Variants in GRB2 observed in about 807,000 individuals in gnomAD.
The protein encoded by GRB2 is growth factor receptor-bound protein 2.
GRB2 carries 2 observed loss-of-function variants against 27.4 expected under a neutral mutation model. The ratio of observed to expected loss-of-function variants is 0.07; its 90% confidence interval spans 0.03 to 0.23. The LOEUF (loss-of-function observed/expected upper bound fraction) is 0.23. Ranked by LOEUF, GRB2 falls within the 10% of genes least tolerant of loss-of-function variation. The pLI, the probability that GRB2 is intolerant of heterozygous loss-of-function variation, is 1.00. For missense variants in GRB2, 102 were observed against 282.4 expected, an observed-to-expected ratio of 0.36 and a Z score of 4.58; for synonymous variants, 94 against 99.6, an observed-to-expected ratio of 0.94 and a Z score of 0.33.
At chr17:75,374,206 G>T (rs2078875932) in intron 2 of GRB2, among the ~76,000 whole-genome samples, 1 of 151,666 alleles carries the variant, frequency 6.6e-6, no homozygotes, top group Non-Finnish European at 1.5e-5. Context: ...AGGAGTTTGA[G>T]ACCAGCCTGG....
intron 4 of GRB2, among the ~76,000 whole-genome samples, chr17:75,322,802 G>C (rs1567855211): frequency 7.4e-6 from 1 of 135,990 alleles, no homozygotes; most frequent in Non-Finnish European, 1.7e-5. Context: ...GCTTCTGCCT[G>C]TCCTGTTCAC....
intron 2 of GRB2, among the ~76,000 whole-genome samples, chr17:75,374,264 C>T (rs1009824400): frequency 4.6e-5 from 7 of 151,584 alleles, no homozygotes; most frequent in Non-Finnish European, 5.9e-5. Flanking sequence ...ATTAGCCAGA[C>T]GTAGTGGCGG....
intron 2 of GRB2, among the ~76,000 whole-genome samples, chr17:75,369,090 TTTGAACCCAG>T (rs2078839139): frequency 6.6e-6 from 1 of 152,184 alleles, no homozygotes; most frequent in South Asian, 2.1e-4. Flanking sequence ...ACAGCCAAAG[TTTGAACCCAG>T]ATAAGCTGGC....
chr17:75,385,058 A>G (rs12950104), intron 2 of GRB2, among the ~76,000 whole-genome samples: 1 of 68,238 alleles, frequency 1.5e-5, no homozygotes, highest in African/African-American at 3.6e-5. Flanking sequence ...AAAAAAAAAA[A>G]GCAAACAAAC....
At chr17:75,401,684 C>T (rs913280705) in intron 1 of GRB2, among the ~76,000 whole-genome samples, 22 of 152,184 alleles carry the variant, frequency 1.4e-4, no homozygotes, top group Middle Eastern at 3.2e-3. Flanking sequence ...GGAGAAGTAA[C>T]TTATACTCTG....
At chr17:75,360,929 A>G (rs2078776679) in intron 2 of GRB2, among the ~76,000 whole-genome samples, 1 of 151,232 alleles carries the variant, frequency 6.6e-6, no homozygotes, top group East Asian at 1.9e-4. Flanking sequence ...TGCCACGCCC[A>G]GCTAATTTTA....
intron 2 of GRB2, among the ~76,000 whole-genome samples, chr17:75,369,630 T>A (rs574561013): frequency 6.8e-5 from 10 of 147,336 alleles, no homozygotes; most frequent in African/African-American, 2.0e-4. Context: ...CGAGGCGGGC[T>A]GATCACTTGA....
In GRB2 at chr17:75,332,759, T is replaced by C; in HGVS notation, c.117A>G (p.Ala39=). 1 of 1,612,344 alleles carries C rather than the reference T, an allele frequency of 6.2e-7. No individual in the cohort carries two copies. The highest frequency in any genetic ancestry group is 8.5e-7 in the Non-Finnish European group (1 of 1,178,798). ...NEECDQNWYK[A]ELNGKDGFIP... ...TGAAGCCGTCTTTTCCATTAAGCTC[T>C]GCCTTGTACCAGTTCTGATCACATT... Residue 39 remains alanine, a synonymous_variant, in exon 3 of 6, where the codon GCA becomes GCG. Transcript: ENST00000316804.
chr17:75,389,572 C>T (rs528222964), intron 2 of GRB2, among the ~76,000 whole-genome samples: 14 of 152,252 alleles, frequency 9.2e-5, no homozygotes, highest in African/African-American at 3.1e-4. Context: ...TCTTGCCGGG[C>T]GCGGTGGCTC....
At chr17:75,349,783 A>G (rs6501779) in intron 2 of GRB2, among the ~76,000 whole-genome samples, 134,692 of 151,986 alleles carry the variant, frequency 0.89, 60,517 homozygotes, top group Non-Finnish European at 0.96. Flanking sequence ...GCCTCCCAAA[A>G]TTTGTAATCC....
chr17:75,375,742 C>G (rs556564779), intron 2 of GRB2, among the ~76,000 whole-genome samples: 127 of 151,812 alleles, frequency 8.4e-4, no homozygotes, highest in African/African-American at 3.0e-3. Context: ...GTACTGGGGA[C>G]TGGCCGGGCG....
At chr17:75,389,923 T>C (rs1410708834) in intron 2 of GRB2, among the ~76,000 whole-genome samples, 1 of 152,224 alleles carries the variant, frequency 6.6e-6, no homozygotes, top group African/African-American at 2.4e-5. Flanking sequence ...TACCATCTTG[T>C]ACTGTTTCAC....
Position 75,331,470 on chromosome 17 carries a change from A to T in GRB2, c.176+1230T>A, listed in dbSNP as rs530689954. On this transcript the variant is annotated intron_variant, in intron 3 of 5. Transcript: ENST00000316804. Reference sequence around the variant, plus strand: ...ACAGTCAGATTTAAATGCCTGTGTCACCCGAAACACTGAAGAAAAATAAGA... The same window carrying T: ...ACAGTCAGATTTAAATGCCTGTGTCTCCCGAAACACTGAAGAAAAATAAGA... Among the ~76,000 whole-genome samples the T allele has an allele frequency of 5.3e-4, 81 of 152,312 alleles. 1 individual carries two copies. In the South Asian group the frequency reaches 7.1e-3, roughly 13 times the overall value.
At chr17:75,393,337 A>G (rs2079009923) in intron 2 of GRB2, 2 of 579,216 alleles carry the variant, frequency 3.5e-6, no homozygotes, top group Non-Finnish European at 6.1e-6. Context: ...TGAGGCATTC[A>G]CACAAAGGCA....
intron 1 of GRB2, among the ~76,000 whole-genome samples, chr17:75,394,612 T>TGA (rs2079019031): frequency 6.6e-6 from 1 of 152,110 alleles, no homozygotes; most frequent in Non-Finnish European, 1.5e-5. Flanking sequence ...CTAACTAACC[T>TGA]AAGGAGCAGA....
At chr17:75,390,714 G>A (rs1325544880) in intron 2 of GRB2, among the ~76,000 whole-genome samples, 1 of 152,126 alleles carries the variant, frequency 6.6e-6, no homozygotes, top group Non-Finnish European at 1.5e-5. Flanking sequence ...CTGGAGGAGA[G>A]GAGTCACCAT....
intron 2 of GRB2, among the ~76,000 whole-genome samples, chr17:75,389,674 G>A (rs1015273320): frequency 5.6e-4 from 85 of 152,048 alleles, no homozygotes; most frequent in African/African-American, 1.6e-3. Context: ...GTGAAACCCC[G>A]TCTCTACTAA....
chr17:75,404,367 G>C (rs2079084163), intron 1 of GRB2, among the ~76,000 whole-genome samples: 1 of 152,054 alleles, frequency 6.6e-6, no homozygotes, highest in African/African-American at 2.4e-5. Flanking sequence ...TGACTGCAGG[G>C]AACGCAGGGG....
chr17:75,397,660 C>G (rs1276689887), intron 1 of GRB2, among the ~76,000 whole-genome samples: 2 of 152,066 alleles, frequency 1.3e-5, no homozygotes, highest in Non-Finnish European at 2.9e-5. Context: ...ACACTTACAG[C>G]TACAGTTGTG....
Sources: gnomAD v4.1 joint callset for allele counts (sites outside exome capture counted in the v4.1 genomes callset) on GRCh38, gnomAD v4.1.1 for gene constraint, MANE v1.5 for transcripts, NCBI Gene and HGNC (gene_info 2026-07-23, HGNC 2026-07-21) for gene names.